The following CDH2 variants were observed in gnomAD, a reference collection of about 807,000 sequenced individuals.
CDH2 encodes the protein cadherin 2, also known as cadherin-2.
A neutral mutation model predicts 92.0 loss-of-function variants in CDH2; 17 were observed. The observed-to-expected ratio is 0.18, with a 90% confidence interval of 0.13 to 0.28. CDH2 has a LOEUF of 0.28. CDH2 is among the 10% of genes least tolerant of loss of function. The probability of loss-of-function intolerance (pLI) is 1.00; values close to 1 mark genes in which losing one functional copy is unlikely to be tolerated. For synonymous variants in CDH2, 419 were observed against 415.9 expected, an observed-to-expected ratio of 1.01 and a Z score of -0.09; for missense variants, 862 against 1,133.1, an observed-to-expected ratio of 0.76 and a Z score of 3.44.
chr18:28,122,931 T>C (rs1598490875), intron 2 of CDH2, among the ~76,000 whole-genome samples: 2 of 152,148 alleles, frequency 1.3e-5, no homozygotes, highest in African/African-American at 2.4e-5. Context: ...TTTATCAAGA[T>C]AGATGTTTCT....
intron 2 of CDH2, among the ~76,000 whole-genome samples, chr18:28,134,740 G>T (rs572234674): frequency 6.6e-6 from 1 of 152,090 alleles, no homozygotes; most frequent in Non-Finnish European, 1.5e-5. Context: ...ATGTTCAGCA[G>T]CACAACCAAA....
At chr18:27,975,232 T>G (rs909565959) in intron 14 of CDH2, among the ~76,000 whole-genome samples, 22 of 152,156 alleles carry the variant, frequency 1.4e-4, no homozygotes, top group African/African-American at 5.1e-4. Context: ...TGAGACATGG[T>G]GGATCACAAG....
chr18:27,984,257 C>A (rs531586938), intron 13 of CDH2, among the ~76,000 whole-genome samples: 1 of 152,270 alleles, frequency 6.6e-6, no homozygotes, highest in Non-Finnish European at 1.5e-5. Context: ...ATAGCATGAT[C>A]GCACAATAAA....
chr18:28,117,798 T>C (rs2015519781), intron 2 of CDH2, among the ~76,000 whole-genome samples: 1 of 152,090 alleles, frequency 6.6e-6, no homozygotes, highest in Non-Finnish European at 1.5e-5. Context: ...CCAGAGGTCG[T>C]ACACACCAGG....
chr18:27,961,689 AAAG>A (rs1226338001), intron 15 of CDH2, among the ~76,000 whole-genome samples: 3 of 152,186 alleles, frequency 2.0e-5, no homozygotes, highest in Non-Finnish European at 2.9e-5. Flanking sequence ...AGCACTGAGA[AAAG>A]AAGAGTATCA....
intron 2 of CDH2, among the ~76,000 whole-genome samples, chr18:28,134,135 CAAAAAAAAAAAA>C (rs34083301): frequency 2.2e-5 from 2 of 91,608 alleles, no homozygotes; most frequent in South Asian, 7.9e-4. Flanking sequence ...ACTAAATTTA[CAAAAAAAAAAAA>C]AAAAAAAAAA....
chr18:28,014,407 C>T (rs1269361065), intron 2 of CDH2, among the ~76,000 whole-genome samples: 1 of 152,152 alleles, frequency 6.6e-6, no homozygotes, highest in Non-Finnish European at 1.5e-5. Context: ...GCATACCCTG[C>T]ATACTTTCTG....
At chr18:28,158,335 A>C (rs796166160) in intron 1 of CDH2, among the ~76,000 whole-genome samples, 6 of 152,346 alleles carry the variant, frequency 3.9e-5, no homozygotes, top group African/African-American at 1.4e-4. Context: ...TAGATCAAGC[A>C]ATAAAGAAAT....
At chr18:28,165,582 A>G (rs1162304028) in intron 1 of CDH2, among the ~76,000 whole-genome samples, 1 of 152,172 alleles carries the variant, frequency 6.6e-6, no homozygotes, top group African/African-American at 2.4e-5. Flanking sequence ...GATAGATACT[A>G]TTTATTATCC....
At chr18:28,022,072 A>G (rs1421846563) in intron 2 of CDH2, among the ~76,000 whole-genome samples, 1 of 152,032 alleles carries the variant, frequency 6.6e-6, no homozygotes, top group Non-Finnish European at 1.5e-5. Context: ...GTGTTTTTAC[A>G]TATATATTCC....
intron 14 of CDH2, among the ~76,000 whole-genome samples, chr18:27,965,912 C>T (rs1010152074): frequency 7.2e-6 from 1 of 138,630 alleles, no homozygotes; most frequent in Non-Finnish European, 1.5e-5. Context: ...CGCTTGAACT[C>T]GGGAGGTGAA....
intron 2 of CDH2, among the ~76,000 whole-genome samples, chr18:28,065,331 T>C (rs1048057029): frequency 2.0e-5 from 3 of 152,172 alleles, no homozygotes; most frequent in Non-Finnish European, 4.4e-5. Context: ...AACACTCGTA[T>C]ATCAGGATAC....
chr18:28,008,974 T>C (rs1245100653), intron 5 of CDH2, among the ~76,000 whole-genome samples: 1 of 152,092 alleles, frequency 6.6e-6, no homozygotes, highest in Non-Finnish European at 1.5e-5. Flanking sequence ...TCTCTCCTTT[T>C]ATTAAAATAA....
intron 4 of CDH2, among the ~76,000 whole-genome samples, chr18:28,010,503 C>T (rs965082980): frequency 5.9e-5 from 9 of 152,108 alleles, no homozygotes; most frequent in African/African-American, 2.2e-4. Context: ...TATAGGCTCA[C>T]TGCCTTCTCC....
At chr18:28,164,399 T>C (rs2016349192) in intron 1 of CDH2, among the ~76,000 whole-genome samples, 1 of 152,112 alleles carries the variant, frequency 6.6e-6, no homozygotes, top group Non-Finnish European at 1.5e-5. Context: ...TACATAGTAA[T>C]TACTAAAAAA....
Position 28,018,430 on chromosome 18 carries a change from C to T in CDH2, c.173-4521G>A, listed in dbSNP as rs377610771. 5.9e-5 allele frequency among the ~76,000 whole-genome samples: 9 copies of T among 152,124 alleles called. No homozygotes were observed. In the East Asian group the frequency reaches 1.4e-3, roughly 23 times the overall value. ...TGGGACCAAAAAAGAGCCTACATAG[C>T]CAAAGCAAGACTAAGCAAAATGAAC... is the stretch of plus-strand genomic sequence containing the variant. On this transcript the variant is annotated intron_variant, in intron 2 of 15. Coordinates refer to ENST00000269141, the MANE Select transcript of CDH2 (RefSeq NM_001792.5).
At chr18:28,121,896 G>A (rs909377115) in intron 2 of CDH2, among the ~76,000 whole-genome samples, 2 of 152,014 alleles carry the variant, frequency 1.3e-5, no homozygotes, top group Non-Finnish European at 2.9e-5. Flanking sequence ...ATGAGTAAGT[G>A]ATTCATACAA....
At chr18:28,133,363 CG>C (rs538759687) in intron 2 of CDH2, among the ~76,000 whole-genome samples, 13 of 151,590 alleles carry the variant, frequency 8.6e-5, no homozygotes, top group African/African-American at 3.1e-4. Context: ...GCGGGTGGAT[CG>C]TGAGGTCAGG....
chr18:28,132,561 A>T (rs1321677463), intron 2 of CDH2, among the ~76,000 whole-genome samples: 1 of 152,122 alleles, frequency 6.6e-6, no homozygotes, highest in Non-Finnish European at 1.5e-5. Context: ...CCTAAATGTG[A>T]TCTCACTGAT....
Sources: gnomAD v4.1 joint callset for allele counts (sites outside exome capture counted in the v4.1 genomes callset) on GRCh38, gnomAD v4.1.1 for gene constraint, MANE v1.5 for transcripts, NCBI Gene and HGNC (gene_info 2026-07-23, HGNC 2026-07-21) for gene names.